Variants in PCBP3 observed in about 807,000 individuals in gnomAD.
PCBP3 encodes the protein poly(rC)-binding protein 3.
In PCBP3, 25 loss-of-function variants were observed where a neutral mutation model predicts 52.7. The ratio of observed to expected loss-of-function variants is 0.47; its 90% CI spans 0.35 to 0.66. The LOEUF is 0.66. PCBP3 is among the 30% of genes least tolerant of loss of function. The pLI is 0.01. For missense variants in PCBP3, 391 were observed against 490.3 expected (o/e 0.80, Z 1.91); for synonymous variants, 162 against 183.0 (o/e 0.89, Z 0.93).
chr21:45,712,141 A>G (rs886771825), intron 2 of PCBP3, among the ~76,000 whole-genome samples: 1 of 152,202 alleles, frequency 6.6e-6, no homozygotes, highest in African/African-American at 2.4e-5. Context: ...TTGTTTATCC[A>G]TTCACTTATT....
chr21:45,894,294 C>T (rs1292868937), intron 5 of PCBP3, among the ~76,000 whole-genome samples: 1 of 152,224 alleles, frequency 6.6e-6, no homozygotes. Context: ...ACCCACTTTC[C>T]CTTCCCTGGG....
At chr21:45,644,353 G>A (rs1341796347) in intron 1 of PCBP3, among the ~76,000 whole-genome samples, 1 of 151,814 alleles carries the variant, frequency 6.6e-6, no homozygotes, top group Non-Finnish European at 1.5e-5. Context: ...CTCACCCCTC[G>A]GTGACCCTGC....
chr21:45,659,337 CTTTTTTTTTTTT>C (rs36113182), intron 1 of PCBP3, among the ~76,000 whole-genome samples: 2,007 of 78,812 alleles, frequency 0.025, 74 homozygotes, highest in African/African-American at 0.094. Flanking sequence ...TTTTACTTTC[CTTTTTTTTTTTT>C]TTTTTTTTTT....
intron 5 of PCBP3, among the ~76,000 whole-genome samples, chr21:45,878,075 A>T (rs2095309927): frequency 6.6e-6 from 1 of 152,224 alleles, no homozygotes; most frequent in African/African-American, 2.4e-5. Context: ...GAGGATGGAG[A>T]GGGAGCTCCT....
intron 1 of PCBP3, among the ~76,000 whole-genome samples, chr21:45,652,767 T>A (rs901331663): frequency 6.6e-6 from 1 of 152,036 alleles, no homozygotes; most frequent in African/African-American, 2.4e-5. Context: ...TTGTTTGGAG[T>A]TTTTGCATTT....
At position 45,693,532 on chromosome 21, in the gene PCBP3, C is replaced by T. The variant is rs75160458; in HGVS notation, c.-200+24580C>T. 2.8e-3 allele frequency among the ~76,000 whole-genome samples: 429 copies of T among 152,150 alleles called. 2 individuals are homozygous for T. The highest frequency in any genetic ancestry group is 5.3e-3 in the Non-Finnish European group (362 of 67,952). On this transcript the variant is annotated intron_variant, in intron 2 of 17. Coordinates refer to ENST00000681687, the MANE Select transcript of PCBP3 (RefSeq NM_001384156.1). ...CTGTTAAAACTCATCAAATTGTACACTTTAATAGAATATAATTTTTAAGGT... is the reference window on the plus strand; with the variant it reads ...CTGTTAAAACTCATCAAATTGTACATTTTAATAGAATATAATTTTTAAGGT...
chr21:45,765,932 A>G (rs991579892), intron 4 of PCBP3, among the ~76,000 whole-genome samples: 1 of 152,252 alleles, frequency 6.6e-6, no homozygotes, highest in Non-Finnish European at 1.5e-5. Context: ...GGACGCCTTC[A>G]GAAGTCTCCT....
chr21:45,939,532 G>A (rs1295395455), intron 16 of PCBP3, among the ~76,000 whole-genome samples: 1 of 152,270 alleles, frequency 6.6e-6, no homozygotes, highest in African/African-American at 2.4e-5. Context: ...TTAGGCAGCA[G>A]TGAGCTTTGC....
intron 2 of PCBP3, among the ~76,000 whole-genome samples, chr21:45,734,341 C>G (rs2085689903): frequency 1.3e-5 from 2 of 152,336 alleles, no homozygotes; most frequent in East Asian, 1.9e-4. Context: ...CACTCACTCA[C>G]ATGTGCCCAT....
rs1160299304 is a variant in PCBP3, at chr21:45,724,093, C to T, written c.-199-11299C>T. ...TAATGAGACACTCTCTCCCCCAGAT[C>T]TGGAGAAATTCAGAGTCAAGGCTGT... On this transcript the variant is annotated intron_variant, in intron 2 of 17. Coordinates refer to ENST00000681687, the MANE Select transcript of PCBP3 (RefSeq NM_001384156.1). The surrounding 1 kb of genome is among the most constrained non-coding windows in gnomAD (Gnocchi z 5.3). 6.6e-6 allele frequency among the ~76,000 whole-genome samples: 1 copy of T among 152,210 alleles called. No individual in the cohort carries two copies. Among genetic ancestry groups the T allele is most frequent in the African/African-American group, 2.4e-5 (1 of 41,466 alleles).
chr21:45,790,786 G>A (rs1603428360), intron 4 of PCBP3, among the ~76,000 whole-genome samples: 2 of 152,164 alleles, frequency 1.3e-5, no homozygotes, highest in Non-Finnish European at 2.9e-5. Context: ...GGTCCTTGGG[G>A]GTCTTGAGCA....
At chr21:45,695,864 A>T (rs527258579) in intron 2 of PCBP3, among the ~76,000 whole-genome samples, 141 of 152,050 alleles carry the variant, frequency 9.3e-4, no homozygotes, top group Admixed American at 1.4e-3. Flanking sequence ...GTGGGTCACG[A>T]GGTCAGGAGT....
Position 45,817,338 on chromosome 21 carries a change from C to T in PCBP3, c.-125-32623C>T, listed in dbSNP as rs2092995968. Among the ~76,000 whole-genome samples the T allele has an allele frequency of 6.6e-6, 1 of 152,168 alleles. No individual in the cohort carries two copies. The highest frequency in any genetic ancestry group is 2.4e-5 in the African/African-American group (1 of 41,438). On this transcript the variant is annotated intron_variant, in intron 4 of 17. Coordinates refer to ENST00000681687, the MANE Select transcript of PCBP3 (RefSeq NM_001384156.1). This position sits in a 1 kb window ranked among gnomAD's most constrained non-coding sequence, Gnocchi z 4.3. Reference sequence around the variant, plus strand: ...GTGAGCAGTCCCCGCCTCGTGGTACCACATGACATTTAGCGTGTCTGTTCA... The same window carrying T: ...GTGAGCAGTCCCCGCCTCGTGGTACTACATGACATTTAGCGTGTCTGTTCA...
intron 5 of PCBP3, among the ~76,000 whole-genome samples, chr21:45,881,646 A>C (rs1185907280): frequency 6.6e-6 from 1 of 152,146 alleles, no homozygotes; most frequent in Admixed American, 6.5e-5. Context: ...TCACTGTGCC[A>C]CACAGCAGCT....
chr21:45,685,718 G>C (rs2082110252), intron 2 of PCBP3, among the ~76,000 whole-genome samples: 1 of 152,158 alleles, frequency 6.6e-6, no homozygotes, highest in Non-Finnish European at 1.5e-5. Flanking sequence ...GCTCAGGCAG[G>C]CTTAGTTAGT....
At chr21:45,886,327 T>G (rs9976088) in intron 5 of PCBP3, among the ~76,000 whole-genome samples, 14 of 53,274 alleles carry the variant, frequency 2.6e-4, no homozygotes, top group African/African-American at 6.5e-4. Context: ...TCATTGCCGC[T>G]GGTGCCAAGG....
At chr21:45,742,087 A>G (rs1156951008) in intron 3 of PCBP3, among the ~76,000 whole-genome samples, 2 of 152,178 alleles carry the variant, frequency 1.3e-5, no homozygotes, top group East Asian at 3.8e-4. Context: ...GGTATCATTT[A>G]TTGGATTATT....
At chr21:45,866,835 C>G (rs2148542012) in intron 5 of PCBP3, among the ~76,000 whole-genome samples, 1 of 152,220 alleles carries the variant, frequency 6.6e-6, no homozygotes, top group East Asian at 1.9e-4. Context: ...CCCCCGTCTG[C>G]ATGTGCACCG....
chr21:45,941,690 G>A lies in PCBP3; in HGVS notation c.1100G>A (p.Gly367Glu). The A allele has an allele frequency of 1.2e-6, 2 of 1,606,290 alleles. No homozygotes were observed. The highest frequency in any genetic ancestry group is 1.7e-6 in the Non-Finnish European group (2 of 1,176,438). Residue 367 changes from glycine (G) to glutamate (E), a missense_variant, in exon 18 of 18, where the codon GGG (glycine) becomes GAG (glutamate). Coordinates refer to ENST00000681687, the MANE Select transcript of PCBP3 (RefSeq NM_001384156.1). ...TCCAGGCTGACGTCCGAGGTCACCG[G>A]GATGGGCACGCTGTAATCCTACCCA... ...INARLTSEVT[G>E]MGTL
Sources: gnomAD v4.1 joint callset for allele counts (sites outside exome capture counted in the v4.1 genomes callset) on GRCh38, gnomAD v4.1.1 for gene constraint, Gnocchi (gnomAD v3.1) non-coding constraint, MANE v1.5 for transcripts, NCBI Gene and HGNC (gene_info 2026-07-23, HGNC 2026-07-21) for gene names.